Variants in PCDH15 observed in about 807,000 individuals in gnomAD.
PCDH15 encodes protocadherin-15.
In PCDH15, 129 loss-of-function variants were observed where a neutral mutation model predicts 178.5. That is an observed-to-expected ratio of 0.72 (90% CI 0.63 to 0.84). The LOEUF is 0.84. Among genes scored for constraint, PCDH15 ranks in the 40% least tolerant of loss-of-function variants. The probability of loss-of-function intolerance (pLI) is 0.00; values close to 1 mark genes in which losing one functional copy is unlikely to be tolerated. For synonymous variants in PCDH15, 800 were observed against 732.0 expected (o/e 1.09, Z -1.50); for missense variants, 2,230 against 2,099.9 (o/e 1.06, Z -1.21).
intron 1 of PCDH15, among the ~76,000 whole-genome samples, chr10:54,789,150 A>G (rs1951162090): frequency 6.6e-6 from 1 of 151,954 alleles, no homozygotes; most frequent in South Asian, 2.1e-4. Context: ...CAACCAATAT[A>G]TAACATAACA....
chr10:55,426,402 C>T (rs1042431805), intron 2 of PCDH15, among the ~76,000 whole-genome samples: 3 of 152,118 alleles, frequency 2.0e-5, no homozygotes, highest in African/African-American at 7.2e-5. Flanking sequence ...GCATCCACCC[C>T]TCATGGAAGG....
At chr10:55,174,848 G>C (rs1423005860) in intron 1 of PCDH15, among the ~76,000 whole-genome samples, 2 of 152,080 alleles carry the variant, frequency 1.3e-5, no homozygotes, top group Non-Finnish European at 2.9e-5. Flanking sequence ...TTAAGGTTTA[G>C]GTCCCCTTTT....
At chr10:53,873,302 T>C (rs1007660793) in intron 26 of PCDH15, among the ~76,000 whole-genome samples, 1 of 152,376 alleles carries the variant, frequency 6.6e-6, no homozygotes, top group African/African-American at 2.4e-5. Flanking sequence ...ACAATCAGTC[T>C]GGTGTTCTTT....
At chr10:54,992,537 G>C (rs1047353176) in intron 2 of PCDH15, among the ~76,000 whole-genome samples, 1 of 152,042 alleles carries the variant, frequency 6.6e-6, no homozygotes, top group Non-Finnish European at 1.5e-5. Context: ...CAGATCACAA[G>C]GTCAGGAGAT....
chr10:55,026,682 A>G (rs1279242202), intron 2 of PCDH15, among the ~76,000 whole-genome samples: 1 of 151,934 alleles, frequency 6.6e-6, no homozygotes, highest in Admixed American at 6.6e-5. Context: ...TCATGGCTTT[A>G]AAGAGAGAAT....
At chr10:53,956,964 C>T (rs2087672770) in intron 23 of PCDH15, among the ~76,000 whole-genome samples, 2 of 152,108 alleles carry the variant, frequency 1.3e-5, no homozygotes, top group Admixed American at 1.3e-4. Context: ...TGGCATTAAG[C>T]AAAGATACTT....
At chr10:54,823,200 AG>A (rs1428927900) in intron 3 of PCDH15, among the ~76,000 whole-genome samples, 1 of 80,310 alleles carries the variant, frequency 1.2e-5, no homozygotes, top group African/African-American at 4.9e-5. Context: ...TTAAAACACC[AG>A]CATAAACACA....
chr10:55,430,165 C>T (rs145864189), intron 2 of PCDH15, among the ~76,000 whole-genome samples: 10 of 152,220 alleles, frequency 6.6e-5, no homozygotes, highest in African/African-American at 2.4e-4. Flanking sequence ...GTGGCACGTA[C>T]CTATAGTCCT....
chr10:54,024,057 G>A (rs562275296), intron 18 of PCDH15, among the ~76,000 whole-genome samples: 28 of 152,206 alleles, frequency 1.8e-4, no homozygotes, highest in African/African-American at 6.5e-4. Context: ...GCATAAGTAA[G>A]AATGTTTGAT....
At chr10:54,306,098 G>T (rs911205580) in intron 8 of PCDH15, among the ~76,000 whole-genome samples, 1 of 151,658 alleles carries the variant, frequency 6.6e-6, no homozygotes, top group Non-Finnish European at 1.5e-5. Flanking sequence ...ACCAGATTTC[G>T]GGCAAACCTG....
At chr10:54,389,971 A>G (rs1250849096) in intron 3 of PCDH15, among the ~76,000 whole-genome samples, 2 of 151,994 alleles carry the variant, frequency 1.3e-5, no homozygotes, top group Non-Finnish European at 1.5e-5. Flanking sequence ...ATAGCCATCC[A>G]TATCATTCTG....
intron 3 of PCDH15, among the ~76,000 whole-genome samples, chr10:54,447,200 A>G (rs1438364483): frequency 6.6e-6 from 1 of 151,646 alleles, no homozygotes; most frequent in Non-Finnish European, 1.5e-5. Flanking sequence ...TTGGGTCTCT[A>G]CAACATCTTC....
At position 55,025,148 on chromosome 10, in the gene PCDH15, C is replaced by T. The variant is rs569415263; in HGVS notation, c.-79-127648G>A. The stretch of plus-strand genomic sequence containing the variant: ...ACCCCAATTCTAGTAGTTCTGTGTA[C>T]GTATGCATGTGTGTGTGACTGTATA... On this transcript the variant is annotated intron_variant, in intron 2 of 5. Coordinates refer to the PCDH15 transcript ENST00000458638. Among the ~76,000 whole-genome samples the T allele has an allele frequency of 2.0e-5, 3 of 150,656 alleles. No homozygotes were observed. In the South Asian group the frequency reaches 6.3e-4, roughly 32 times the overall value.
rs536176595 is a variant in PCDH15 at position 54,738,463 on chromosome 10, ATTTAC to A, written c.-29+62457_-29+62461del. Among the ~76,000 whole-genome samples, 158 of 152,186 alleles carry A rather than the reference ATTTAC, an allele frequency of 1.0e-3. 1 individual carries two copies. The highest frequency in any genetic ancestry group is 3.6e-3 in the African/African-American group (150 of 41,560). On this transcript the variant is annotated intron_variant, in intron 1 of 37. Transcript: ENST00000644397. Reference sequence around the variant, plus strand: ...TTATTTTAAAGTAGGTAAAACATGAATTTACTTTACAAACATGTAAAAAACAACTA... The same window carrying A: ...TTATTTTAAAGTAGGTAAAACATGAATTTACAAACATGTAAAAAACAACTA...
rs557045802 is a variant in PCDH15 at position 55,296,252 on chromosome 10, T to C, written c.-156+23347A>G. Among the ~76,000 whole-genome samples the C allele has an allele frequency of 2.4e-4, 36 of 152,234 alleles. No individual in the cohort carries two copies. In the South Asian group the frequency reaches 3.1e-3, roughly 13 times the overall value. ...GAGGTTTTATGAAGTTTTCACCAAA[T>C]AGGCATGGATGAGTAAATCATTGGC... On this transcript the variant is annotated intron_variant, in intron 1 of 5. Transcript: ENST00000458638.
intron 15 of PCDH15, among the ~76,000 whole-genome samples, chr10:54,093,772 T>C (rs907300163): frequency 6.6e-6 from 1 of 152,192 alleles, no homozygotes; most frequent in African/African-American, 2.4e-5. Flanking sequence ...TTACTATTTC[T>C]GCCATCATTC....
intron 2 of PCDH15, among the ~76,000 whole-genome samples, chr10:55,442,008 T>C (rs1839199136): frequency 6.6e-6 from 1 of 152,076 alleles, no homozygotes; most frequent in Non-Finnish European, 1.5e-5. Flanking sequence ...AAGGAATGGA[T>C]TATCTGTAGA....
intron 3 of PCDH15, among the ~76,000 whole-genome samples, chr10:54,458,479 C>T (rs530685637): frequency 2.0e-5 from 3 of 152,158 alleles, no homozygotes; most frequent in South Asian, 2.1e-4. Context: ...CATAACCATT[C>T]GTGGTTCTTT....
chr10:55,599,736 A>T, intron 2 of PCDH15: 1 of 399,258 alleles, frequency 2.5e-6, no homozygotes, highest in Non-Finnish European at 4.4e-6. Context: ...AAAAAGTAAA[A>T]GGAACTCGGC....
Sources: gnomAD v4.1 joint callset for allele counts (sites outside exome capture counted in the v4.1 genomes callset) on GRCh38, gnomAD v4.1.1 for gene constraint, MANE v1.5 for transcripts, NCBI Gene and HGNC (gene_info 2026-07-23, HGNC 2026-07-21) for gene names.